The following GPC6 variants were observed in gnomAD, a reference collection of about 807,000 sequenced individuals.
The protein encoded by GPC6 is glypican-6.
A neutral mutation model predicts 55.2 loss-of-function variants in GPC6; 14 were observed. The ratio of observed to expected loss-of-function variants is 0.25; its 90% confidence interval spans 0.17 to 0.40. GPC6 has a LOEUF of 0.40. GPC6 is among the 10% of genes least tolerant of loss of function. GPC6 has a pLI of 1.00. For missense variants in GPC6, 641 were observed against 708.5 expected (o/e 0.90, Z 1.08); for synonymous variants, 278 against 259.6 (o/e 1.07, Z -0.68).
intron 4 of GPC6, among the ~76,000 whole-genome samples, chr13:94,221,215 G>A (rs1334053300): frequency 6.6e-6 from 1 of 152,060 alleles, no homozygotes; most frequent in Admixed American, 6.6e-5. Context: ...GACTTGCCCT[G>A]ATGAGTGGGA....
chr13:94,239,480 C>T (rs1566580657), intron 4 of GPC6, among the ~76,000 whole-genome samples: 1 of 152,022 alleles, frequency 6.6e-6, no homozygotes, highest in Non-Finnish European at 1.5e-5. Context: ...ATGTAGAGCA[C>T]CACATGTAGA....
At chr13:93,928,002 C>A (rs896701218) in intron 3 of GPC6, among the ~76,000 whole-genome samples, 1 of 151,250 alleles carries the variant, frequency 6.6e-6, no homozygotes, top group African/African-American at 2.4e-5. Flanking sequence ...ATTTTTTTTG[C>A]TTAATAAAAT....
chr13:93,537,887 T>A (rs1566410929), intron 1 of GPC6, among the ~76,000 whole-genome samples: 2 of 150,598 alleles, frequency 1.3e-5, no homozygotes, highest in South Asian at 4.1e-4. Flanking sequence ...GATATCACAC[T>A]AGAAATATGA....
chr13:93,504,810 T>G (rs934842132), intron 1 of GPC6, among the ~76,000 whole-genome samples: 1 of 152,150 alleles, frequency 6.6e-6, no homozygotes, highest in Non-Finnish European at 1.5e-5. Flanking sequence ...AAATTTTCTG[T>G]ATGGTGTTTA....
chr13:93,267,116 A>G (rs1276175902), intron 1 of GPC6, among the ~76,000 whole-genome samples: 1 of 152,196 alleles, frequency 6.6e-6, no homozygotes, highest in Non-Finnish European at 1.5e-5. Flanking sequence ...GTTTCCTTTA[A>G]TAGTGATATT....
chr13:93,265,253 GT>G (rs1346651127), intron 1 of GPC6, among the ~76,000 whole-genome samples: 2 of 152,156 alleles, frequency 1.3e-5, no homozygotes, highest in African/African-American at 4.8e-5. Context: ...CAATGTGTTT[GT>G]TAAGAGCTAT....
intron 7 of GPC6, among the ~76,000 whole-genome samples, chr13:94,393,994 T>C (rs1304135670): frequency 6.6e-6 from 1 of 152,154 alleles, no homozygotes; most frequent in Non-Finnish European, 1.5e-5. Context: ...TGGTCCTGTT[T>C]AATATCTCTC....
chr13:94,392,682 TCAGG>T (rs1880707229), intron 7 of GPC6, among the ~76,000 whole-genome samples: 1 of 137,560 alleles, frequency 7.3e-6, no homozygotes, highest in Non-Finnish European at 1.6e-5. Flanking sequence ...ACCCTCTTGG[TCAGG>T]CTGGTCTCGA....
intron 6 of GPC6, among the ~76,000 whole-genome samples, chr13:94,362,459 A>T (rs534832149): frequency 1.3e-5 from 2 of 152,164 alleles, no homozygotes; most frequent in Non-Finnish European, 2.9e-5. Flanking sequence ...ACAGCCTGTC[A>T]GTTTCAAGTT....
intron 2 of GPC6, among the ~76,000 whole-genome samples, chr13:93,592,874 G>A (rs970341591): frequency 2.0e-4 from 31 of 151,748 alleles, no homozygotes; most frequent in Non-Finnish European, 3.7e-4. Context: ...CCTACGAAAT[G>A]CTTATTAAAG....
intron 1 of GPC6, among the ~76,000 whole-genome samples, chr13:93,404,755 G>C (rs1876222890): frequency 6.6e-6 from 1 of 152,010 alleles, no homozygotes; most frequent in South Asian, 2.1e-4. Context: ...TATGATAACA[G>C]AATTAGGTTC....
Position 94,294,767 on chromosome 13 carries a change from G to A in GPC6, c.1008+8288G>A, listed in dbSNP as rs533384478. The stretch of plus-strand genomic sequence containing the variant: ...ATTTAGTTCAAATAAATATATTTTT[G>A]TTCCAGTATCATTTATCTGTTTTTT... On this transcript the variant is annotated intron_variant, in intron 5 of 8. Coordinates refer to ENST00000377047, the MANE Select transcript of GPC6 (RefSeq NM_005708.5). Among the ~76,000 whole-genome samples, 510 of 151,956 alleles carry A rather than the reference G, an allele frequency of 3.4e-3. 3 individuals are homozygous for A. Among genetic ancestry groups the A allele is most frequent in the African/African-American group, 0.012 (480 of 41,450 alleles).
intron 2 of GPC6, among the ~76,000 whole-genome samples, chr13:93,739,664 C>T (rs375850187): frequency 6.6e-6 from 1 of 152,012 alleles, no homozygotes; most frequent in African/African-American, 2.4e-5. Flanking sequence ...CTCCTGACCT[C>T]GTGATCCACC....
intron 5 of GPC6, among the ~76,000 whole-genome samples, chr13:94,305,617 A>C (rs924657641): frequency 6.6e-6 from 1 of 152,218 alleles, no homozygotes; most frequent in East Asian, 1.9e-4. Flanking sequence ...TCAGCTGGGA[A>C]CATGACTCAG....
At chr13:93,723,255 G>A (rs1029541745) in intron 2 of GPC6, among the ~76,000 whole-genome samples, 5 of 151,916 alleles carry the variant, frequency 3.3e-5, no homozygotes, top group African/African-American at 9.7e-5. Flanking sequence ...TTTGCAGAAA[G>A]CCAGCCTTTG....
chr13:94,340,513 C>A (rs968354147), intron 6 of GPC6, among the ~76,000 whole-genome samples: 2 of 152,158 alleles, frequency 1.3e-5, no homozygotes, highest in African/African-American at 4.8e-5. Flanking sequence ...GATCCTTCTT[C>A]TTTAAAGGCT....
intron 2 of GPC6, among the ~76,000 whole-genome samples, chr13:93,683,023 A>G (rs9516270): frequency 0.24 from 35,904 of 151,916 alleles, 5,173 homozygotes; most frequent in East Asian, 0.47. Context: ...GTCTGAAAAG[A>G]AAACAAAAAG....
intron 4 of GPC6, among the ~76,000 whole-genome samples, chr13:94,073,887 C>T (rs1001449103): frequency 1.3e-5 from 2 of 152,110 alleles, no homozygotes; most frequent in Non-Finnish European, 2.9e-5. Flanking sequence ...CACAGTCAAC[C>T]ATCCAAACTG....
At chr13:94,370,181 T>C (rs1879476255) in intron 6 of GPC6, among the ~76,000 whole-genome samples, 1 of 152,260 alleles carries the variant, frequency 6.6e-6, no homozygotes, top group African/African-American at 2.4e-5. Context: ...ATGCATTATT[T>C]TTGTTTTTGA....
Sources: gnomAD v4.1 joint callset for allele counts (sites outside exome capture counted in the v4.1 genomes callset) on GRCh38, gnomAD v4.1.1 for gene constraint, MANE v1.5 for transcripts, NCBI Gene and HGNC (gene_info 2026-07-23, HGNC 2026-07-21) for gene names.